The following COBLL1 variants were observed in gnomAD, a reference collection of about 807,000 sequenced individuals.
COBLL1 encodes cordon-bleu WH2 repeat protein like 1.
In COBLL1, 50 loss-of-function variants were observed where a neutral mutation model predicts 94.8. The observed-to-expected ratio is 0.53, with a 90% CI of 0.42 to 0.67. COBLL1 has a LOEUF of 0.67. Ranked by LOEUF, COBLL1 falls within the 30% of genes least tolerant of loss-of-function variation. The pLI, the probability that COBLL1 is intolerant of heterozygous loss-of-function variation, is 0.00. For missense variants in COBLL1, 1,362 were observed against 1,348.7 expected, an observed-to-expected ratio of 1.01 and a Z score of -0.15; for synonymous variants, 448 against 473.8, an observed-to-expected ratio of 0.95 and a Z score of 0.71.
At chr2:164,792,090 T>TTTTC (rs1185735014) in intron 2 of COBLL1, among the ~76,000 whole-genome samples, 1 of 151,686 alleles carries the variant, frequency 6.6e-6, no homozygotes, top group Non-Finnish European at 1.5e-5. Context: ...CATTGGCTGT[T>TTTTC]TTTCTTTCTT....
At chr2:164,727,116 T>G in intron 5 of COBLL1, 1 of 1,499,374 alleles carries the variant, frequency 6.7e-7, no homozygotes, top group African/African-American at 1.4e-5. Context: ...CTTGTAAAGA[T>G]GACTTACTGA....
chr2:164,672,223 A>G lies in COBLL1; in HGVS notation n.127-6322T>C, dbSNP rs115780370. On this transcript the variant is annotated intron_variant and non_coding_transcript_variant, in intron 1 of 2. Transcript: ENST00000495084. ...CCCTCACATTATTTCTCAAGGCTTG[A>G]GGGAATTTAAATGTGACTTACTTGG... Among the ~76,000 whole-genome samples the G allele has an allele frequency of 3.1e-3, 469 of 152,324 alleles. 1 individual carries two copies. Among genetic ancestry groups the G allele is most frequent in the African/African-American group, 0.01 (431 of 41,578 alleles).
intron 11 of COBLL1, 136 bp downstream of exon 11, chr2:164,699,269 C>A (rs554879378): frequency 3.1e-6 from 2 of 652,054 alleles, no homozygotes; most frequent in East Asian, 5.4e-5. Context: ...TAATAGTACC[C>A]ATAATATCCA....
intron 5 of COBLL1, among the ~76,000 whole-genome samples, chr2:164,725,337 T>C (rs1255661765): frequency 6.6e-6 from 1 of 152,134 alleles, no homozygotes; most frequent in Non-Finnish European, 1.5e-5. Context: ...CGCATATGGA[T>C]ACACAATTAA....
At chr2:164,813,933 A>G (rs986045012) in intron 2 of COBLL1, among the ~76,000 whole-genome samples, 27 of 152,202 alleles carry the variant, frequency 1.8e-4, no homozygotes, top group African/African-American at 6.3e-4. Context: ...GCTAGGGGAC[A>G]GAGGCTGTGA....
intron 7 of COBLL1, among the ~76,000 whole-genome samples, chr2:164,713,855 G>A (rs971891570): frequency 6.6e-6 from 1 of 152,068 alleles, no homozygotes; most frequent in African/African-American, 2.4e-5. Flanking sequence ...CCGTCATCTC[G>A]TTAACGTTGA....
chr2:164,748,138 T>C (rs1239490487), intron 2 of COBLL1, among the ~76,000 whole-genome samples: 1 of 152,186 alleles, frequency 6.6e-6, no homozygotes, highest in East Asian at 1.9e-4. Flanking sequence ...GTCAATTATA[T>C]GTTAGTTCCC....
At chr2:164,672,580 T>TC (rs1357802947) in intron 1 of COBLL1, among the ~76,000 whole-genome samples, 10 of 151,478 alleles carry the variant, frequency 6.6e-5, no homozygotes, top group Admixed American at 2.0e-4. Flanking sequence ...GCGCCTGTAG[T>TC]CCCAGCTACT....
intron 2 of COBLL1, chr2:164,779,623 C>T (rs1272609148): frequency 4.3e-6 from 2 of 469,628 alleles, no homozygotes; most frequent in South Asian, 3.1e-5. Context: ...CCCAGCCTCC[C>T]ACAGATTCTC....
At chr2:164,658,666 T>C (rs954164036) in intron 2 of COBLL1, among the ~76,000 whole-genome samples, 2 of 152,238 alleles carry the variant, frequency 1.3e-5, no homozygotes, top group African/African-American at 4.8e-5. Context: ...TGATGGGTGC[T>C]ATCAATGCCT....
chr2:164,775,926 C>T (rs923130180), intron 2 of COBLL1, among the ~76,000 whole-genome samples: 4 of 152,114 alleles, frequency 2.6e-5, no homozygotes, highest in African/African-American at 7.2e-5. Context: ...CAAAAGTGAA[C>T]TTTTCACCCC....
At chr2:164,823,397 A>C (rs985348943) in intron 2 of COBLL1, among the ~76,000 whole-genome samples, 3 of 152,118 alleles carry the variant, frequency 2.0e-5, no homozygotes, top group Non-Finnish European at 4.4e-5. Flanking sequence ...AATCCTCTAC[A>C]ACTAATCTAA....
intron 5 of COBLL1, 33 bp from the exon 6 acceptor site, chr2:164,722,555 T>G (rs10167778): frequency 0.15 from 181,353 of 1,213,122 alleles, 15,188 homozygotes; most frequent in African/African-American, 0.33. Flanking sequence ...TACTTTTGTA[T>G]GTGAGGTTGA....
Position 164,722,534 on chromosome 2 carries a change from G to A in COBLL1, c.662-12C>T. 7.3e-7 allele frequency: 1 copy of A among 1,366,402 alleles called. No homozygotes were observed. The highest frequency in any genetic ancestry group is 9.9e-7 in the Non-Finnish European group (1 of 1,011,798). 84.6% of individuals were successfully genotyped at this position (1,366,402 alleles called of 1,614,324 possible). On this transcript the variant is annotated splice_polypyrimidine_tract_variant and intron_variant, in intron 5 of 13. Transcript: ENST00000652658. ...TATTTGGCAGGACTCTAAAATAGAA[G>A]AAAAGCATCTTACTTTTGTATGTGA...
chr2:164,673,339 G>A lies in COBLL1; in HGVS notation n.127-7438C>T, dbSNP rs1558904702. ...TTAGAGGCATAGTACTTTATATTGC[G>A]GGTACTTGGTGAATGTTTTTAAGCT... On this transcript the variant is annotated intron_variant and non_coding_transcript_variant, in intron 1 of 2. Coordinates refer to the COBLL1 transcript ENST00000495084. Among the ~76,000 whole-genome samples the A allele has an allele frequency of 1.3e-5, 2 of 152,290 alleles. 1 individual carries two copies. The highest frequency in any genetic ancestry group is 1.3e-4 in the Admixed American group (2 of 15,294).
chr2:164,812,111 T>C (rs1036431432), intron 2 of COBLL1, among the ~76,000 whole-genome samples: 1 of 151,978 alleles, frequency 6.6e-6, no homozygotes, highest in Non-Finnish European at 1.5e-5. Flanking sequence ...CTGAAGATAT[T>C]TTAAGACTTA....
chr2:164,797,625 A>G (rs1013214098), intron 2 of COBLL1, among the ~76,000 whole-genome samples: 9 of 152,152 alleles, frequency 5.9e-5, no homozygotes, highest in Non-Finnish European at 1.2e-4. Context: ...CCAGATACCC[A>G]TCCTTCATCA....
At chr2:164,796,705 CAAAAA>C (rs34412964) in intron 2 of COBLL1, among the ~76,000 whole-genome samples, 9 of 86,728 alleles carry the variant, frequency 1.0e-4, no homozygotes, top group East Asian at 8.4e-4. Flanking sequence ...GCTGGCCTTC[CAAAAA>C]AAAAAAAAAA....
intron 5 of COBLL1, among the ~76,000 whole-genome samples, chr2:164,725,598 T>C (rs1327943487): frequency 1.3e-5 from 2 of 152,186 alleles, no homozygotes; most frequent in East Asian, 3.9e-4. Flanking sequence ...TTTGTATTTT[T>C]TGTGGAGATG....
Sources: allele counts gnomAD v4.1 joint callset (sites outside exome capture counted in the v4.1 genomes callset), GRCh38; gene constraint gnomAD v4.1.1; transcripts MANE v1.5; gene names NCBI Gene and HGNC (gene_info 2026-07-23, HGNC 2026-07-21).